SLC9A8: variants seen among roughly 807,000 people sequenced by gnomAD.
SLC9A8 encodes solute carrier family 9 member A8, also known as sodium/hydrogen exchanger 8.
A neutral mutation model predicts 66.6 loss-of-function variants in SLC9A8; 48 were observed. The observed-to-expected ratio is 0.72, with a 90% CI of 0.57 to 0.92. The LOEUF (loss-of-function observed/expected upper bound fraction) is 0.92, where lower values mean the gene tolerates loss of function less well. Among genes scored for constraint, SLC9A8 ranks in the 40% least tolerant of loss-of-function variants. The pLI is 0.00. For missense variants in SLC9A8, 599 were observed against 747.3 expected (o/e 0.80, Z 2.31); for synonymous variants, 274 against 282.6 (o/e 0.97, Z 0.31).
intron 3 of SLC9A8, among the ~76,000 whole-genome samples, chr20:49,825,952 C>T (rs933437752): frequency 1.3e-5 from 2 of 152,212 alleles, no homozygotes; most frequent in Admixed American, 6.5e-5. Context: ...GAACTCTGAC[C>T]ACCTGGCGAC....
intron 7 of SLC9A8, among the ~76,000 whole-genome samples, chr20:49,853,547 G>A (rs1016235543): frequency 2.0e-5 from 3 of 152,238 alleles, no homozygotes; most frequent in Non-Finnish European, 4.4e-5. Flanking sequence ...CTCTGTCTGG[G>A]TTGTGGTGCA....
chr20:49,834,411 A>G (rs2087421692), intron 3 of SLC9A8, among the ~76,000 whole-genome samples: 1 of 45,568 alleles, frequency 2.2e-5, no homozygotes, highest in East Asian at 6.8e-4. Context: ...CTGTGTATAT[A>G]TATATACTGT....
Position 49,880,654 on chromosome 20 carries a change from T to C in SLC9A8, c.1159-270T>C, listed in dbSNP as rs571365930. ...CTGCTGTCATTACTAAAGCCCTTCC[T>C]GATACCTCGTCCGTCCTCTCTTTTC... is the stretch of plus-strand genomic sequence containing the variant. On this transcript the variant is annotated intron_variant, in intron 12 of 15. Coordinates refer to ENST00000361573, the MANE Select transcript of SLC9A8 (RefSeq NM_015266.3). 3.3e-5 allele frequency among the ~76,000 whole-genome samples: 5 copies of C among 152,348 alleles called. No individual in the cohort carries two copies. The South Asian group carries it at 1.0e-3, about 32-fold the overall frequency.
At chr20:49,859,482 CTT>C (rs3092482) in intron 8 of SLC9A8, among the ~76,000 whole-genome samples, 183 of 143,544 alleles carry the variant, frequency 1.3e-3, no homozygotes, top group Middle Eastern at 3.7e-3. Context: ...CCCCCTCCAC[CTT>C]TTTTTTTTTT....
At chr20:49,883,000 C>G in intron 13 of SLC9A8, among the ~76,000 whole-genome samples, 1 of 138,010 alleles carries the variant, frequency 7.2e-6, no homozygotes, top group East Asian at 2.7e-4. Flanking sequence ...TGCACCATGC[C>G]CCCCCCCACC....
In SLC9A8 at chr20:49,886,747, C is replaced by T; in HGVS notation, c.1492-5C>T. 1.2e-6 allele frequency: 2 copies of T among 1,612,548 alleles called. No homozygotes were observed. The highest frequency in any genetic ancestry group is 2.2e-5 in the East Asian group (1 of 44,832). On this transcript the variant is annotated splice_polypyrimidine_tract_variant and splice_region_variant and intron_variant, in intron 14 of 15. Transcript: ENST00000361573. The surrounding 1 kb of genome is among the most constrained non-coding windows in gnomAD (Gnocchi z 4.8). ...GCCGTCGGGCCGCCTTTCCTCCCTG[C>T]TCAGGGCAACACTGTGGAGTCGGAG...
chr20:49,881,516 G>A (rs994034848), intron 13 of SLC9A8, among the ~76,000 whole-genome samples: 1 of 152,162 alleles, frequency 6.6e-6, no homozygotes, highest in African/African-American at 2.4e-5. Flanking sequence ...TTTAAAGGAC[G>A]GAAATGATTT....
At position 49,841,077 on chromosome 20, in the gene SLC9A8, C is replaced by T. The variant is rs114340426; in HGVS notation, c.348+1478C>T. ...CCCAGAATTTTGAGAGGCTGAGTCACGTGGATCATCTGAGGTCAGGAGTTT... is the reference window on the plus strand; with the variant it reads ...CCCAGAATTTTGAGAGGCTGAGTCATGTGGATCATCTGAGGTCAGGAGTTT... On this transcript the variant is annotated intron_variant, in intron 4 of 15. Transcript: ENST00000361573. Among the ~76,000 whole-genome samples the T allele has an allele frequency of 3.3e-3, 500 of 151,812 alleles. 1 individual carries two copies. Among genetic ancestry groups the T allele is most frequent in the African/African-American group, 0.012 (482 of 41,388 alleles).
rs58366162 is a variant in SLC9A8, at chr20:49,828,073, ATT to A, written c.289+4955_289+4956del. On this transcript the variant is annotated intron_variant, in intron 3 of 15. Transcript: ENST00000361573. ...GCCCCCGTACCCCCACCAAAAAAAA[ATT>A]TTTTTTTTTTTTTTTTTTTTTTGAG... 2.1e-3 allele frequency among the ~76,000 whole-genome samples: 174 copies of A among 81,506 alleles called. 2 individuals carry two copies. The highest frequency in any genetic ancestry group is 5.4e-3 in the East Asian group (16 of 2,974). The allele number at this position is 81,506 out of a possible 152,430, so 53.5% of individuals were successfully genotyped here. A position where few individuals can be genotyped will look rare whatever the true frequency, so the allele number is the denominator to read the frequency against.
intron 13 of SLC9A8, among the ~76,000 whole-genome samples, 159 bp downstream of exon 13, chr20:49,881,194 C>A (rs2089614340): frequency 1.3e-5 from 2 of 152,180 alleles, no homozygotes; most frequent in Admixed American, 6.5e-5. Flanking sequence ...GTGCCCCTCA[C>A]CATGGTGCTA....
chr20:49,813,295 C>T (rs1399068467), intron 1 of SLC9A8, among the ~76,000 whole-genome samples: 1 of 152,242 alleles, frequency 6.6e-6, no homozygotes, highest in Non-Finnish European at 1.5e-5. Context: ...TCCGGGTTCT[C>T]CACACCCACC....
At chr20:49,857,009 T>G (rs537672) in intron 8 of SLC9A8, among the ~76,000 whole-genome samples, 1 of 151,986 alleles carries the variant, frequency 6.6e-6, no homozygotes, top group Non-Finnish European at 1.5e-5. Context: ...ATCTCAAATA[T>G]ATTTTTCTGA....
chr20:49,886,404 C>T lies in SLC9A8; in HGVS notation c.1492-348C>T. 5.3e-6 allele frequency: 1 copy of T among 190,070 alleles called. No homozygotes were observed. Among genetic ancestry groups the T allele is most frequent in the Non-Finnish European group, 1.1e-5 (1 of 93,406 alleles). The allele number at this position is 190,070 out of a possible 1,614,324, so 11.8% of individuals were successfully genotyped here. A position where few individuals can be genotyped will look rare whatever the true frequency, so the allele number is the denominator to read the frequency against. On this transcript the variant is annotated intron_variant, in intron 14 of 15. Coordinates refer to ENST00000361573, the MANE Select transcript of SLC9A8 (RefSeq NM_015266.3). This position sits in a 1 kb window ranked among gnomAD's most constrained non-coding sequence, Gnocchi z 4.8. ...CACAGGCAAAGAGACAAAAAGCCTC[C>T]CTGTGCGATTTGCTGCTAATGAAAA...
chr20:49,883,702 C>T, intron 13 of SLC9A8, 144 bp from the exon 14 acceptor site: 1 of 651,884 alleles, frequency 1.5e-6, no homozygotes. Flanking sequence ...CCCAAAGCCT[C>T]ACAGGGTGAG....
chr20:49,847,382 CT>C (rs11334417), intron 5 of SLC9A8, among the ~76,000 whole-genome samples: 33,615 of 113,862 alleles, frequency 0.3, 3,856 homozygotes, highest in Middle Eastern at 0.35. Context: ...TTTTTCTTTT[CT>C]TTTTTTTTTT....
intron 8 of SLC9A8, among the ~76,000 whole-genome samples, chr20:49,859,321 C>T (rs2088640524): frequency 6.6e-6 from 1 of 152,156 alleles, no homozygotes. Flanking sequence ...GAGAAGTGAA[C>T]ATGGTGCCTT....
intron 1 of SLC9A8, among the ~76,000 whole-genome samples, chr20:49,813,602 A>G (rs531701937): frequency 1.3e-5 from 2 of 152,364 alleles, no homozygotes; most frequent in South Asian, 4.1e-4. Context: ...GCTCAAGGTC[A>G]TCGCCAAGGT....
chr20:49,877,608 C>T (rs1162033774), intron 11 of SLC9A8, among the ~76,000 whole-genome samples: 1 of 152,156 alleles, frequency 6.6e-6, no homozygotes, highest in Non-Finnish European at 1.5e-5. Flanking sequence ...GTGGCGTCTG[C>T]AGTCATTTGC....
intron 13 of SLC9A8, among the ~76,000 whole-genome samples, chr20:49,882,006 C>G (rs1330951395): frequency 6.6e-6 from 1 of 152,088 alleles, no homozygotes; most frequent in Non-Finnish European, 1.5e-5. Context: ...CCAGGCTCCC[C>G]GGGCTCTTGC....
Sources: gnomAD v4.1 joint callset for allele counts (sites outside exome capture counted in the v4.1 genomes callset) on GRCh38, gnomAD v4.1.1 for gene constraint, Gnocchi (gnomAD v3.1) non-coding constraint, MANE v1.5 for transcripts, NCBI Gene and HGNC (gene_info 2026-07-23, HGNC 2026-07-21) for gene names.